The following NRXN1 variants were observed in gnomAD, a reference collection of about 807,000 sequenced individuals.
NRXN1 encodes neurexin 1.
NRXN1 carries 39 observed loss-of-function variants against 150.9 expected under a neutral mutation model. That is an observed-to-expected ratio of 0.26 (90% CI 0.20 to 0.34). The LOEUF is 0.34. NRXN1 is among the 10% of genes least tolerant of loss of function. NRXN1 has a pLI of 1.00. For missense variants in NRXN1, 1,815 were observed against 1,949.9 expected, an observed-to-expected ratio of 0.93 and a Z score of 1.30; for synonymous variants, 924 against 757.0, an observed-to-expected ratio of 1.22 and a Z score of -3.62.
chr2:50,875,561 A>G (rs1293095677), intron 5 of NRXN1, among the ~76,000 whole-genome samples: 1 of 151,796 alleles, frequency 6.6e-6, no homozygotes, highest in African/African-American at 2.4e-5. Flanking sequence ...GCTCTTGGGA[A>G]ACAAGATAAG....
intron 9 of NRXN1, among the ~76,000 whole-genome samples, chr2:50,551,755 C>T (rs967082633): frequency 6.6e-6 from 1 of 152,092 alleles, no homozygotes; most frequent in Non-Finnish European, 1.5e-5. Context: ...CTCCTTATCT[C>T]TCCCTGTCTG....
chr2:50,429,546 T>G (rs1429706207), intron 17 of NRXN1, among the ~76,000 whole-genome samples: 3 of 151,788 alleles, frequency 2.0e-5, no homozygotes, highest in African/African-American at 4.8e-5. Flanking sequence ...CATAAGCCAG[T>G]GCGCCAGCCA....
chr2:50,753,682 A>G (rs1475358483), intron 5 of NRXN1, among the ~76,000 whole-genome samples: 2 of 151,892 alleles, frequency 1.3e-5, no homozygotes, highest in South Asian at 2.1e-4. Flanking sequence ...AAAGAAAATA[A>G]ATACCAGAAA....
At chr2:50,209,636 G>T (rs574300188) in intron 18 of NRXN1, among the ~76,000 whole-genome samples, 4 of 151,960 alleles carry the variant, frequency 2.6e-5, no homozygotes, top group Non-Finnish European at 5.9e-5. Flanking sequence ...ATTTCTATTT[G>T]GTTCTGTCAC....
chr2:50,303,978 T>C (rs72874463), intron 17 of NRXN1, among the ~76,000 whole-genome samples: 25,775 of 152,136 alleles, frequency 0.17, 2,470 homozygotes, highest in East Asian at 0.4. Context: ...TCTATCTATA[T>C]AGCTTCAGAC....
At chr2:50,809,605 C>T (rs569963531) in intron 5 of NRXN1, among the ~76,000 whole-genome samples, 7 of 152,138 alleles carry the variant, frequency 4.6e-5, no homozygotes, top group South Asian at 4.1e-4. Flanking sequence ...TTCTCTATGC[C>T]GTCACGCTCC....
At chr2:50,394,074 C>A (rs1225446442) in intron 17 of NRXN1, among the ~76,000 whole-genome samples, 1 of 152,058 alleles carries the variant, frequency 6.6e-6, no homozygotes, top group African/African-American at 2.4e-5. Flanking sequence ...GCTTGCTGAC[C>A]ATTTATTCTC....
At chr2:50,321,685 T>C (rs576440378) in intron 17 of NRXN1, among the ~76,000 whole-genome samples, 1 of 152,246 alleles carries the variant, frequency 6.6e-6, no homozygotes, top group African/African-American at 2.4e-5. Context: ...TTGTTTTAAA[T>C]TGGGGAAAAT....
At chr2:49,991,289 T>G (rs1327036536) in intron 21 of NRXN1, among the ~76,000 whole-genome samples, 8 of 152,054 alleles carry the variant, frequency 5.3e-5, no homozygotes, top group Non-Finnish European at 8.8e-5. Context: ...GAAATAAAAC[T>G]ATCTTTGCTT....
chr2:50,199,266 A>G (rs1377922438), intron 18 of NRXN1: 1 of 152,164 alleles, frequency 6.6e-6, no homozygotes, highest in Non-Finnish European at 1.5e-5. Context: ...AGATTTCATT[A>G]TAATGACTGC....
chr2:50,842,612 T>C (rs1361169742), intron 5 of NRXN1, among the ~76,000 whole-genome samples: 2 of 152,202 alleles, frequency 1.3e-5, no homozygotes, highest in Non-Finnish European at 2.9e-5. Flanking sequence ...GGAACTAATC[T>C]GATATCCATT....
At chr2:50,438,549 A>C (rs1185252032) in intron 17 of NRXN1, among the ~76,000 whole-genome samples, 1 of 152,242 alleles carries the variant, frequency 6.6e-6, no homozygotes, top group Non-Finnish European at 1.5e-5. Flanking sequence ...TGATCAGTAC[A>C]ATCTGGCAAG....
intron 2 of NRXN1, among the ~76,000 whole-genome samples, chr2:51,005,967 C>CA (rs1700665450): frequency 6.6e-6 from 1 of 151,304 alleles, no homozygotes; most frequent in Admixed American, 6.6e-5. Context: ...AAATAAAAAC[C>CA]AAAAGCAAGC....
At chr2:50,538,223 G>C (rs200259939) in intron 10 of NRXN1, 30 bp downstream of exon 10, 3 of 1,590,464 alleles carry the variant, frequency 1.9e-6, no homozygotes, top group African/African-American at 2.7e-5. Flanking sequence ...TCATCTCAGG[G>C]AGTTGGCTGC....
chr2:50,724,055 C>G (rs564142794), intron 5 of NRXN1, among the ~76,000 whole-genome samples: 3 of 152,156 alleles, frequency 2.0e-5, no homozygotes, highest in African/African-American at 7.2e-5. Flanking sequence ...AATACAAGAT[C>G]CATTGTGATG....
intron 21 of NRXN1, among the ~76,000 whole-genome samples, chr2:50,032,321 T>G (rs905472878): frequency 1.3e-5 from 2 of 152,080 alleles, no homozygotes; most frequent in African/African-American, 2.4e-5. Context: ...CCTGAAACTT[T>G]CTCTATTGTG....
intron 8 of NRXN1, among the ~76,000 whole-genome samples, chr2:50,618,504 T>A (rs1355763187): frequency 3.9e-5 from 6 of 152,064 alleles, no homozygotes; most frequent in Non-Finnish European, 8.8e-5. Flanking sequence ...TTTTAGGAAC[T>A]CTAACAAACA....
intron 2 of NRXN1, among the ~76,000 whole-genome samples, chr2:50,989,668 G>A (rs934851992): frequency 2.6e-5 from 4 of 151,938 alleles, no homozygotes; most frequent in African/African-American, 9.7e-5. Context: ...AAATTGCATG[G>A]ATGTACCCCA....
intron 21 of NRXN1, among the ~76,000 whole-genome samples, chr2:49,965,368 A>G (rs140823435): frequency 5.9e-4 from 90 of 151,992 alleles, no homozygotes; most frequent in African/African-American, 2.0e-3. Flanking sequence ...CCAAGTTCAA[A>G]CAATTATCTT....
Sources: gnomAD v4.1 joint callset for allele counts (sites outside exome capture counted in the v4.1 genomes callset) on GRCh38, gnomAD v4.1.1 for gene constraint, MANE v1.5 for transcripts, NCBI Gene and HGNC (gene_info 2026-07-23, HGNC 2026-07-21) for gene names.